Variants in GRM5 observed in about 807,000 individuals in gnomAD.
GRM5 encodes the protein glutamate metabotropic receptor 5.
A neutral mutation model predicts 83.1 loss-of-function variants in GRM5; 19 were observed. The observed-to-expected ratio is 0.23, with a 90% confidence interval of 0.16 to 0.34. The LOEUF is 0.34. GRM5 is among the 10% of genes least tolerant of loss of function. The probability of loss-of-function intolerance (pLI) is 1.00; values close to 1 mark genes in which losing one functional copy is unlikely to be tolerated. For synonymous variants in GRM5, 675 were observed against 633.6 expected, an observed-to-expected ratio of 1.07 and a Z score of -0.98; for missense variants, 1,160 against 1,588.3, an observed-to-expected ratio of 0.73 and a Z score of 4.58.
intron 2 of GRM5, among the ~76,000 whole-genome samples, chr11:88,979,796 C>T (rs1439102962): frequency 6.6e-6 from 1 of 152,132 alleles, no homozygotes; most frequent in Non-Finnish European, 1.5e-5. Context: ...AAAATCACTT[C>T]CTAATAGGGG....
intron 3 of GRM5, among the ~76,000 whole-genome samples, chr11:88,826,526 T>C (rs1334562112): frequency 2.6e-5 from 4 of 152,086 alleles, no homozygotes; most frequent in Non-Finnish European, 5.9e-5. Flanking sequence ...CAAGGGCCAA[T>C]GGACCAGCAT....
In GRM5 at chr11:88,853,424, A is replaced by T. The variant is rs376735616; in HGVS notation, c.662-3269T>A. 9.9e-5 allele frequency among the ~76,000 whole-genome samples: 15 copies of T among 152,146 alleles called. No individual in the cohort carries two copies. The East Asian group carries it at 2.9e-3, about 29-fold the overall frequency. ...TCACTCCCAATTTGGAAGTCAAGAT[A>T]TACAGAAAATAAAATGTATGTGATT... On this transcript the variant is annotated intron_variant, in intron 2 of 9. Coordinates refer to ENST00000305447, the MANE Select transcript of GRM5 (RefSeq NM_001143831.3).
intron 3 of GRM5, among the ~76,000 whole-genome samples, chr11:88,702,285 G>C (rs1403991581): frequency 6.6e-6 from 1 of 152,056 alleles, no homozygotes; most frequent in African/African-American, 2.4e-5. Context: ...GGTACAAAAA[G>C]GAATAAATAC....
At chr11:88,946,411 C>T (rs976291124) in intron 2 of GRM5, among the ~76,000 whole-genome samples, 4 of 152,096 alleles carry the variant, frequency 2.6e-5, no homozygotes, top group Non-Finnish European at 5.9e-5. Context: ...ACCAATCTTT[C>T]TACCCAAAAG....
At chr11:88,808,829 A>G (rs1333592889) in intron 3 of GRM5, among the ~76,000 whole-genome samples, 1 of 151,994 alleles carries the variant, frequency 6.6e-6, no homozygotes, top group Non-Finnish European at 1.5e-5. Context: ...TGTACCTCGA[A>G]ATATGATCCC....
chr11:88,716,070 GTA>G (rs1339723883), intron 3 of GRM5, among the ~76,000 whole-genome samples: 1 of 151,906 alleles, frequency 6.6e-6, no homozygotes, highest in Non-Finnish European at 1.5e-5. Context: ...AAAAAGAAAT[GTA>G]TGTTTCTGCC....
At chr11:88,731,286 C>T (rs1272248097) in intron 3 of GRM5, among the ~76,000 whole-genome samples, 1 of 151,738 alleles carries the variant, frequency 6.6e-6, no homozygotes, top group Non-Finnish European at 1.5e-5. Flanking sequence ...CTTCCTAATA[C>T]CCACAGGCAT....
chr11:88,958,758 A>T (rs1938698542), intron 2 of GRM5, among the ~76,000 whole-genome samples: 1 of 152,190 alleles, frequency 6.6e-6, no homozygotes. Flanking sequence ...ACTGGTATTT[A>T]CTATATTAAA....
intron 3 of GRM5, among the ~76,000 whole-genome samples, chr11:88,741,583 G>C (rs1942030065): frequency 6.6e-6 from 1 of 152,042 alleles, no homozygotes; most frequent in South Asian, 2.1e-4. Flanking sequence ...CCATGAAAAT[G>C]TGCAGGGGTT....
intron 3 of GRM5, among the ~76,000 whole-genome samples, chr11:88,695,438 T>A (rs1402549680): frequency 6.6e-6 from 1 of 152,214 alleles, no homozygotes; most frequent in Non-Finnish European, 1.5e-5. Flanking sequence ...GGTACATTTC[T>A]ACTTTGTGTG....
At chr11:88,768,246 T>G (rs1029463161) in intron 3 of GRM5, among the ~76,000 whole-genome samples, 1 of 151,982 alleles carries the variant, frequency 6.6e-6, no homozygotes, top group Admixed American at 6.6e-5. Context: ...ATGCATACAA[T>G]GAAATATTAT....
intron 3 of GRM5, among the ~76,000 whole-genome samples, chr11:88,751,475 C>T (rs1194841155): frequency 4.6e-5 from 7 of 152,058 alleles, no homozygotes; most frequent in Non-Finnish European, 7.4e-5. Context: ...AGCCTACCAA[C>T]CAACAAAAGC....
At chr11:88,864,872 T>A (rs2221118) in intron 2 of GRM5, among the ~76,000 whole-genome samples, 67,515 of 151,754 alleles carry the variant, frequency 0.44, 15,343 homozygotes, top group East Asian at 0.57. Flanking sequence ...GTTTTTAGCG[T>A]AAAGGGGTGT....
intron 3 of GRM5, among the ~76,000 whole-genome samples, chr11:88,714,108 T>C (rs1389931692): frequency 6.6e-6 from 1 of 152,038 alleles, no homozygotes; most frequent in Non-Finnish European, 1.5e-5. Flanking sequence ...ATTTGATATA[T>C]ACTTTAGGAT....
At chr11:89,041,443 G>C (rs957347319) in intron 2 of GRM5, among the ~76,000 whole-genome samples, 1 of 152,202 alleles carries the variant, frequency 6.6e-6, no homozygotes, top group Non-Finnish European at 1.5e-5. Flanking sequence ...CCAGGCATTA[G>C]TCTCTTATAG....
In GRM5 at chr11:88,509,519, G is replaced by C. The variant is rs1565316843; in HGVS notation, c.2727-15C>G. On this transcript the variant is annotated splice_polypyrimidine_tract_variant and intron_variant, in intron 9 of 9. Transcript: ENST00000305447. ...TTCCATTGGAACTGAGGAGAGAAGG[G>C]AGAGGAAAGGTGACTCAGCGAGGTG... 2 of 1,600,104 alleles carry C rather than the reference G, an allele frequency of 1.2e-6. No individual in the cohort carries two copies. Among genetic ancestry groups the C allele is most frequent in the South Asian group, 2.2e-5 (2 of 89,670 alleles).
chr11:88,583,459 C>T (rs1280328913), intron 7 of GRM5, among the ~76,000 whole-genome samples: 1 of 152,172 alleles, frequency 6.6e-6, no homozygotes, highest in African/African-American at 2.4e-5. Flanking sequence ...CAGCTTTGGA[C>T]TTACGTAAGA....
chr11:88,873,075 T>C (rs1470565358), intron 2 of GRM5, among the ~76,000 whole-genome samples: 1 of 151,580 alleles, frequency 6.6e-6, no homozygotes, highest in Non-Finnish European at 1.5e-5. Flanking sequence ...ATACTTACAT[T>C]AGGCAAAATA....
intron 2 of GRM5, among the ~76,000 whole-genome samples, chr11:89,043,527 TTC>T (rs1184701109): frequency 1.3e-5 from 2 of 152,096 alleles, no homozygotes; most frequent in African/African-American, 2.4e-5. Context: ...ACAGCATATA[TTC>T]TGTTTTATTT....
Sources: gnomAD v4.1 joint callset for allele counts (sites outside exome capture counted in the v4.1 genomes callset) on GRCh38, gnomAD v4.1.1 for gene constraint, MANE v1.5 for transcripts, NCBI Gene and HGNC (gene_info 2026-07-23, HGNC 2026-07-21) for gene names.